Variants in KRT34 observed in about 807,000 individuals in gnomAD.
The protein encoded by KRT34 is keratin, type I cuticular Ha4.
Under a neutral mutation model 41.7 loss-of-function variants are expected in KRT34, and 31 were observed. The observed-to-expected ratio is 0.74, with a 90% confidence interval of 0.56 to 1.00. The LOEUF (loss-of-function observed/expected upper bound fraction) is 1.00, where lower values mean the gene tolerates loss of function less well. KRT34 is among the 50% of genes least tolerant of loss of function. KRT34 has a pLI of 0.00. For missense variants in KRT34, 523 were observed against 500.3 expected, an observed-to-expected ratio of 1.05 and a Z score of -0.43; for synonymous variants, 224 against 212.9, an observed-to-expected ratio of 1.05 and a Z score of -0.45.
intron 6 of KRT34, among the ~76,000 whole-genome samples, chr17:41,378,387 T>G (rs754226721): frequency 1.3e-5 from 2 of 152,150 alleles, no homozygotes; most frequent in Non-Finnish European, 1.5e-5. Flanking sequence ...CCTCCCAGGT[T>G]CAAGCGATTC....
chr17:41,378,174 CT>C, intron 6 of KRT34, 28 bp from the exon 7 acceptor site: 2 of 1,516,166 alleles, frequency 1.3e-6, no homozygotes, highest in Non-Finnish European at 1.8e-6. Flanking sequence ...TTTAGAATGG[CT>C]TTAGGAGGAG....
At chr17:41,382,460 T>A, upstream of KRT34, 1 of 1,122,986 alleles carries the variant, frequency 8.9e-7, no homozygotes, top group Non-Finnish European at 1.3e-6. Context: ...CCCATAAAAT[T>A]ATTCCATTCA....
At chr17:41,378,823 A>G in intron 6 of KRT34, 133 bp downstream of exon 6, 1 of 1,296,662 alleles carries the variant, frequency 7.7e-7, no homozygotes, top group Non-Finnish European at 1.1e-6. Context: ...TTGCTTAGCT[A>G]TCACAGATCA....
chr17:41,379,276 G>A (rs1457443636), intron 5 of KRT34, 77 bp downstream of exon 5: 9 of 1,610,196 alleles, frequency 5.6e-6, no homozygotes, highest in African/African-American at 1.3e-5. Context: ...TAAGGAGAGT[G>A]TGTGGCCCCA....
In KRT34 at chr17:41,382,081, C is replaced by T. The variant is rs752775083; in HGVS notation, c.166G>A (p.Glu56Lys). 7 of 1,613,066 alleles carry T rather than the reference C, an allele frequency of 4.3e-6. No homozygotes were observed. Among genetic ancestry groups the T allele is most frequent in the African/African-American group, 2.7e-5 (2 of 75,028 alleles). ...WFCEGSFNGS[E>K]KETMQFLNDR... is the part of the protein sequence containing the mutation. ...TTCAGGAACTGCATAGTCTCCTTCT[C>T]GCTGCCATTGAAGGAGCCCTCACAG... The change falls in exon 1 of 7, where the codon GAG becomes AAG. Residue 56 changes from glutamate to lysine, a missense_variant. Coordinates refer to ENST00000394001, the MANE Select transcript of KRT34 (RefSeq NM_001386014.1).
Position 41,379,415 on chromosome 17 carries a change from T to C in KRT34, c.814A>G (p.Ile272Val). The change falls in exon 5 of 7, where the codon ATC (isoleucine) becomes GTC (valine). Residue 272 changes from isoleucine to valine, a missense_variant. Ile to Val is a conservative substitution (Grantham distance 29). Transcript: ENST00000394001. ...TTGACTGTGCGTCTCAGCTCGATGA[T>C]CTCCGCCTGGCAGGACTGCAGCTGC... ...SEQLQSCQAE[I>V]IELRRTVNAL... The C allele has an allele frequency of 6.2e-7, 1 of 1,613,920 alleles. No homozygotes were observed. Among genetic ancestry groups the C allele is most frequent in the South Asian group, 1.1e-5 (1 of 91,056 alleles).
Position 41,378,130 on chromosome 17 carries a change from A to G in KRT34, c.1114T>C (p.Cys372Arg). ...TTGCCACTAGCATTGGTGGTGGCGC[A>G]TGGGTTGCAGGGGAGCCTAGGAGGA... is the stretch of plus-strand genomic sequence containing the variant. ...SEDCKLPCNP[C>R]ATTNASGNSC... The change falls in exon 7 of 7, where the codon TGC becomes CGC. Residue 372 changes from cysteine (C) to arginine (R), a missense_variant. Transcript: ENST00000394001. 2.5e-6 allele frequency: 4 copies of G among 1,613,860 alleles called. No individual in the cohort carries two copies. Among genetic ancestry groups the G allele is most frequent in the East Asian group, 2.2e-5 (1 of 44,874 alleles).
At chr17:41,378,207 T>A in intron 6 of KRT34, 61 bp from the exon 7 acceptor site, 1 of 1,041,080 alleles carries the variant, frequency 9.6e-7, no homozygotes, top group South Asian at 1.3e-5. Context: ...CACAATACCT[T>A]GGGCTTAATG....
At chr17:41,382,968 C>T (rs1171294884), upstream of KRT34, among the ~76,000 whole-genome samples, 3 of 151,758 alleles carry the variant, frequency 2.0e-5, no homozygotes, top group Admixed American at 6.6e-5. Context: ...GCAGCCCACA[C>T]GTCAAGTTTA....
intron 6 of KRT34, 108 bp downstream of exon 6, chr17:41,378,848 C>G: frequency 6.9e-7 from 1 of 1,450,140 alleles, no homozygotes; most frequent in Non-Finnish European, 9.6e-7. Context: ...ACACATGCTA[C>G]ACAGTTAATG....
rs753505605 is a variant in KRT34, at chr17:41,381,794, A to G, written c.350T>C (p.Ile117Thr). ...GGCATTCTCAGCCTTGGCACACAGAATCTGAAAAGAAATTTCTCTCATGAG... is the reference window on the plus strand; with the variant it reads ...GGCATTCTCAGCCTTGGCACACAGAGTCTGAAAAGAAATTTCTCTCATGAG... ...FKTIEELQQKILCAKAENARL... is the reference protein window; with the variant it reads ...FKTIEELQQKTLCAKAENARL... The change falls in exon 2 of 7, where the codon ATT becomes ACT. Residue 117 changes from isoleucine (I) to threonine (T), a missense_variant and splice_region_variant. Coordinates refer to ENST00000394001, the MANE Select transcript of KRT34 (RefSeq NM_001386014.1). 11 of 1,614,090 alleles carry G rather than the reference A, an allele frequency of 6.8e-6. No individual in the cohort carries two copies. The highest frequency in any genetic ancestry group is 9.3e-6 in the Non-Finnish European group (11 of 1,180,036).
At chr17:41,380,875 C>T (rs2017965296) in intron 3 of KRT34, among the ~76,000 whole-genome samples, 181 bp downstream of exon 3, 1 of 152,180 alleles carries the variant, frequency 6.6e-6, no homozygotes, top group Non-Finnish European at 1.5e-5. Context: ...CCTCACCCAG[C>T]CGCTGAAGAA....
At chr17:41,378,193 T>G (rs542112615) in intron 6 of KRT34, 47 bp from the exon 7 acceptor site, 2 of 1,209,418 alleles carry the variant, frequency 1.7e-6, no homozygotes, top group South Asian at 2.4e-5. Context: ...GAGGTTTTAA[T>G]GCACACAATA....
upstream of KRT34, among the ~76,000 whole-genome samples, chr17:41,382,732 C>T (rs983403768): frequency 2.6e-5 from 4 of 152,188 alleles, no homozygotes; most frequent in African/African-American, 9.6e-5. Context: ...TAGCTCTTTC[C>T]TCCCACATTC....
chr17:41,379,362 CT>C lies in KRT34; in HGVS notation c.866del (p.Gln289ArgfsTer12). 1 of 1,613,184 alleles carries C rather than the reference CT, an allele frequency of 6.2e-7. No homozygotes were observed. The highest frequency in any genetic ancestry group is 1.1e-5 in the South Asian group (1 of 91,030). Reference protein sequence around the residue: ...VNALEIELQAQHNLRDSLENT... With the variant: ...VNALEIELQAXHNLRDSLENT... ...TCTGAACAATACACACCAGGTTGTG[CT>C]GGGCCTGCAGCTCGATCTCCAGGGC... On this transcript the variant is annotated frameshift_variant, in exon 5 of 7. Transcript: ENST00000394001. LOFTEE classifies it high-confidence loss of function.
Position 41,381,063 on chromosome 17 carries a change from T to C in KRT34, c.581A>G (p.His194Arg), listed in dbSNP as rs755489324. 7 of 1,614,094 alleles carry C rather than the reference T, an allele frequency of 4.3e-6. No homozygotes were observed. The highest frequency in any genetic ancestry group is 2.2e-5 in the East Asian group (1 of 44,874). ...REELICLKKN[H>R]EEEVNTLRSQ... ...TGTGAATTTGTTTCATACCTCCTCA[T>C]GGTTCTTCTTCAAGCAGATCAGCTC... The change falls in exon 3 of 7, where the codon CAT becomes CGT. Residue 194 changes from histidine (H) to arginine (R), a missense_variant. By Grantham distance (29) the His-to-Arg change is conservative (BLOSUM62 0). Transcript: ENST00000394001.
At position 41,378,960 on chromosome 17, in the gene KRT34, A is replaced by C; in HGVS notation, c.1093T>G (p.Cys365Gly). The change falls in exon 6 of 7, where the codon TGC (cysteine) becomes GGC (glycine). Residue 365 changes from cysteine (C) to glycine (G), a missense_variant. Cys to Gly is a radical substitution (Grantham distance 159). Transcript: ENST00000394001. ...CATTATTTGCCCCATACTCACTTGC[A>C]GTCCTCACTCTCCAGGAGGCTCCGG... The part of the protein sequence containing the change: ...TYRSLLESED[C>G]KLPCNPCATT... The C allele has an allele frequency of 2.5e-6, 4 of 1,614,146 alleles. No individual in the cohort carries two copies. The highest frequency in any genetic ancestry group is 3.4e-6 in the Non-Finnish European group (4 of 1,180,006).
intron 6 of KRT34, 148 bp from the exon 7 acceptor site, chr17:41,378,294 G>A (rs2017883861): frequency 1.5e-6 from 1 of 676,426 alleles, no homozygotes; most frequent in African/African-American, 1.8e-5. Context: ...TTGTTTTTGA[G>A]ACAGGGTCTT....
chr17:41,379,762 C>T (rs749761044), intron 3 of KRT34, 31 bp from the exon 4 acceptor site: 35 of 1,566,138 alleles, frequency 2.2e-5, no homozygotes, highest in Non-Finnish European at 2.5e-5. Context: ...AATGAACCTA[C>T]GGCAATGGAT....
Sources: gnomAD v4.1 joint callset for allele counts (sites outside exome capture counted in the v4.1 genomes callset) on GRCh38, gnomAD v4.1.1 for gene constraint, MANE v1.5 for transcripts, NCBI Gene and HGNC (gene_info 2026-07-23, HGNC 2026-07-21) for gene names.